Variants in GALM observed in about 807,000 individuals in gnomAD.
GALM encodes the protein galactose mutarotase, also known as aldose 1-epimerase.
Under a neutral mutation model 37.4 loss-of-function variants are expected in GALM, and 43 were observed. That is an observed-to-expected ratio of 1.15 (90% CI 0.90 to 1.48). The LOEUF (loss-of-function observed/expected upper bound fraction) is 1.48. Ranked by LOEUF, GALM falls within the 40% of genes most tolerant of loss-of-function variation. The pLI, the probability that GALM is intolerant of heterozygous loss-of-function variation, is 0.00. For synonymous variants in GALM, 199 were observed against 170.6 expected, an observed-to-expected ratio of 1.17 and a Z score of -1.30; for missense variants, 456 against 419.1, an observed-to-expected ratio of 1.09 and a Z score of -0.77.
rs1000365618 is a variant in GALM at position 38,733,767 on chromosome 2, T to C, written c.*202T>C. 1 of 569,388 alleles carries C rather than the reference T, an allele frequency of 1.8e-6. No individual in the cohort carries two copies. Among genetic ancestry groups the C allele is most frequent in the African/African-American group, 1.9e-5 (1 of 53,430 alleles). 35.3% of individuals were successfully genotyped at this position (569,388 alleles called of 1,614,324 possible). A position where few individuals can be genotyped will look rare whatever the true frequency, so the allele number is the denominator to read the frequency against. Reference sequence around the variant, plus strand: ...GGCCATGTCTAATGACCAGCTCGATTCCCTGTGCAGTTCAGAGGGCAAGTG... The same window carrying C: ...GGCCATGTCTAATGACCAGCTCGATCCCCTGTGCAGTTCAGAGGGCAAGTG... On this transcript the variant is annotated 3_prime_UTR_variant, in exon 7 of 7. Transcript: ENST00000272252.
intron 4 of GALM, among the ~76,000 whole-genome samples, chr2:38,705,773 T>G (rs1666023258): frequency 6.6e-6 from 1 of 152,198 alleles, no homozygotes; most frequent in Non-Finnish European, 1.5e-5. Context: ...GGCACCTCAT[T>G]TGCCCAGCCC....
At chr2:38,688,277 C>G (rs184759918) in intron 3 of GALM, among the ~76,000 whole-genome samples, 1 of 151,376 alleles carries the variant, frequency 6.6e-6, no homozygotes, top group African/African-American at 2.4e-5. Context: ...TTTGGGAGGC[C>G]GAGGTGAGCA....
intron 4 of GALM, among the ~76,000 whole-genome samples, chr2:38,697,509 A>G (rs1415742207): frequency 6.6e-6 from 1 of 152,188 alleles, no homozygotes; most frequent in African/African-American, 2.4e-5. Context: ...CTTGAGGGAA[A>G]TACTGATGCA....
chr2:38,724,021 C>G (rs1181819514), intron 4 of GALM, among the ~76,000 whole-genome samples: 2 of 151,826 alleles, frequency 1.3e-5, no homozygotes, highest in Non-Finnish European at 2.9e-5. Flanking sequence ...CTGGTTCAAG[C>G]AATTCTTCTG....
chr2:38,677,469 C>G (rs989793134), intron 2 of GALM, among the ~76,000 whole-genome samples: 22 of 152,096 alleles, frequency 1.4e-4, no homozygotes, highest in African/African-American at 5.1e-4. Flanking sequence ...GCCAGGGAGG[C>G]AGAGGGCAGC....
At position 38,675,909 on chromosome 2, in the gene GALM, C is replaced by T; in HGVS notation, c.191-3C>T. ...AAAGTGCTGTCATCCCTTGTCCTTGCAGGATACCTCCAAAAGCAGCCATAC... is the reference window on the plus strand; with the variant it reads ...AAAGTGCTGTCATCCCTTGTCCTTGTAGGATACCTCCAAAAGCAGCCATAC... On this transcript the variant is annotated splice_polypyrimidine_tract_variant and splice_region_variant and intron_variant, in intron 1 of 6. Coordinates refer to ENST00000272252, the MANE Select transcript of GALM (RefSeq NM_138801.3). The T allele has an allele frequency of 6.2e-7, 1 of 1,613,894 alleles. No homozygotes were observed. Among genetic ancestry groups the T allele is most frequent in the Non-Finnish European group, 8.5e-7 (1 of 1,179,930 alleles).
At chr2:38,674,967 G>C (rs571854667) in intron 1 of GALM, among the ~76,000 whole-genome samples, 4 of 152,168 alleles carry the variant, frequency 2.6e-5, no homozygotes, top group Non-Finnish European at 4.4e-5. Flanking sequence ...CTGAGGTCAG[G>C]AGTTCGAGAC....
At chr2:38,704,744 C>T (rs1380226340) in intron 4 of GALM, among the ~76,000 whole-genome samples, 1 of 151,576 alleles carries the variant, frequency 6.6e-6, no homozygotes, top group Admixed American at 6.6e-5. Context: ...AAACTCATGA[C>T]ATTGGACCCT....
intron 4 of GALM, among the ~76,000 whole-genome samples, chr2:38,716,282 CAA>C (rs1236525206): frequency 6.6e-6 from 1 of 152,180 alleles, no homozygotes; most frequent in Non-Finnish European, 1.5e-5. Context: ...TGTACGTGTT[CAA>C]GAGTATGGAG....
At chr2:38,717,207 G>A (rs1181507615) in intron 4 of GALM, among the ~76,000 whole-genome samples, 1 of 151,242 alleles carries the variant, frequency 6.6e-6, no homozygotes, top group Non-Finnish European at 1.5e-5. Flanking sequence ...CCAAGATCAC[G>A]CCATTGCACC....
At chr2:38,675,428 G>A (rs116513792) in intron 1 of GALM, among the ~76,000 whole-genome samples, 1,578 of 151,942 alleles carry the variant, frequency 0.01, 19 homozygotes, top group African/African-American at 0.019. Context: ...GATTCAGTGA[G>A]GACTTTGACA....
chr2:38,666,701 G>A (rs1263020697), intron 1 of GALM, among the ~76,000 whole-genome samples: 1 of 152,210 alleles, frequency 6.6e-6, no homozygotes, highest in South Asian at 2.1e-4. Context: ...GGAGAGGAAA[G>A]AGCAGGCAAG....
At chr2:38,669,324 T>G (rs765773183) in intron 1 of GALM, 1 of 152,278 alleles carries the variant, frequency 6.6e-6, no homozygotes, top group Non-Finnish European at 1.5e-5. Context: ...TCCTGTTGTG[T>G]TCTGTTCTGA....
At chr2:38,668,780 AATAAAT>A (rs1665018250) in intron 1 of GALM, 1 of 151,338 alleles carries the variant, frequency 6.6e-6, no homozygotes, top group African/African-American at 2.4e-5. Flanking sequence ...AATAAAAATA[AATAAAT>A]AAATAAATAA....
At chr2:38,705,893 A>C (rs1000056321) in intron 4 of GALM, among the ~76,000 whole-genome samples, 1 of 152,080 alleles carries the variant, frequency 6.6e-6, no homozygotes, top group Non-Finnish European at 1.5e-5. Context: ...GCTGGAGTGC[A>C]GTGGCGCAAC....
At chr2:38,671,144 G>A (rs1449095520) in intron 1 of GALM, among the ~76,000 whole-genome samples, 1 of 152,150 alleles carries the variant, frequency 6.6e-6, no homozygotes, top group Non-Finnish European at 1.5e-5. Context: ...AATATTCATG[G>A]CTTGACCTAG....
rs533559413 is a variant in GALM, at chr2:38,666,296, C to A, written c.135C>A (p.Val45=). 5.5e-5 allele frequency: 89 copies of A among 1,613,888 alleles called. 1 individual carries two copies. In the South Asian group the frequency reaches 8.9e-4, roughly 16 times the overall value. The part of the protein sequence containing the change: ...SWGCTITALE[V]KDRQGRASDV... ...GCTGCACGATCACAGCCCTAGAGGT[C>A]AAAGACAGGCAGGGGAGAGCCTCGG... Residue 45 remains valine, a synonymous_variant, in exon 1 of 7, where the codon GTC becomes GTA. Transcript: ENST00000272252.
At chr2:38,724,136 C>T (rs1166522134) in intron 4 of GALM, among the ~76,000 whole-genome samples, 9 of 152,176 alleles carry the variant, frequency 5.9e-5, no homozygotes, top group Admixed American at 5.9e-4. Context: ...CCAGACTGGT[C>T]TTGAACTCCT....
chr2:38,690,000 GTT>G, intron 4 of GALM, 106 bp downstream of exon 4: 1 of 644,618 alleles, frequency 1.6e-6, no homozygotes, highest in South Asian at 2.0e-5. Flanking sequence ...AAAGTCTACA[GTT>G]TAGTTAATAG....
Sources: gnomAD v4.1 joint callset for allele counts (sites outside exome capture counted in the v4.1 genomes callset) on GRCh38, gnomAD v4.1.1 for gene constraint, MANE v1.5 for transcripts, NCBI Gene and HGNC (gene_info 2026-07-23, HGNC 2026-07-21) for gene names.